Variants in TUT4 observed in about 807,000 individuals in gnomAD.
TUT4 encodes terminal uridylyl transferase 4.
Under a neutral mutation model 192.2 loss-of-function variants are expected in TUT4, and 36 were observed. That is an observed-to-expected ratio of 0.19 (90% CI 0.14 to 0.25). The LOEUF is 0.25. TUT4 is among the 10% of genes least tolerant of loss of function. The pLI is 1.00. For missense variants in TUT4, 1,493 were observed against 1,957.2 expected, an observed-to-expected ratio of 0.76 and a Z score of 4.47; for synonymous variants, 618 against 666.0, an observed-to-expected ratio of 0.93 and a Z score of 1.11.
chr1:52,542,642 A>AAGCT (rs1302771458), intron 1 of TUT4, among the ~76,000 whole-genome samples: 1 of 152,212 alleles, frequency 6.6e-6, no homozygotes, highest in African/African-American at 2.4e-5. Context: ...AATATAATAA[A>AAGCT]AGCTATCTAA....
At chr1:52,485,307 T>C (rs1669508954) in intron 9 of TUT4, among the ~76,000 whole-genome samples, 1 of 152,234 alleles carries the variant, frequency 6.6e-6, no homozygotes, top group Non-Finnish European at 1.5e-5. Flanking sequence ...CATTCACTTT[T>C]GTATATTTAT....
intron 6 of TUT4, 137 bp from the exon 7 acceptor site, chr1:52,493,799 C>CT: frequency 1.6e-6 from 1 of 635,902 alleles, no homozygotes; most frequent in Non-Finnish European, 2.7e-6. Context: ...AAAACAGAAT[C>CT]GTGTTTTTTT....
chr1:52,549,033 A>G (rs1688756495), intron 1 of TUT4, among the ~76,000 whole-genome samples: 1 of 152,236 alleles, frequency 6.6e-6, no homozygotes, highest in South Asian at 2.1e-4. Context: ...GTTCTTGGAC[A>G]GTAAGATTTG....
intron 11 of TUT4, among the ~76,000 whole-genome samples, chr1:52,478,113 C>T (rs1348038144): frequency 1.3e-5 from 2 of 152,260 alleles, no homozygotes; most frequent in East Asian, 3.9e-4. Flanking sequence ...CTTGGCTGCA[C>T]ATTAGAATCA....
rs1271454721 is a variant in TUT4, at chr1:52,464,757, G to C, written c.3069+313C>G. Among the ~76,000 whole-genome samples the C allele has an allele frequency of 2.6e-5, 4 of 152,164 alleles. No individual in the cohort carries two copies. In the South Asian group the frequency reaches 6.2e-4, roughly 24 times the overall value. On this transcript the variant is annotated intron_variant, in intron 16 of 29. Transcript: ENST00000257177. ...GATCAATGTTCACTACAAAACTGATGCATCAGCTTCCCATTGGTTCTAGTG... is the reference window on the plus strand; with the variant it reads ...GATCAATGTTCACTACAAAACTGATCCATCAGCTTCCCATTGGTTCTAGTG...
At chr1:52,447,349 T>C (rs975455172) in intron 20 of TUT4, among the ~76,000 whole-genome samples, 10 of 151,522 alleles carry the variant, frequency 6.6e-5, no homozygotes, top group South Asian at 4.2e-4. Flanking sequence ...CTCGGGAGGC[T>C]GAGGCAGGAG....
chr1:52,536,255 T>G (rs559162665), intron 1 of TUT4, among the ~76,000 whole-genome samples: 4 of 152,136 alleles, frequency 2.6e-5, no homozygotes, highest in Non-Finnish European at 5.9e-5. Context: ...GAGAGAAAGA[T>G]GAGTAGGAGC....
chr1:52,443,048 C>A (rs1285528114), intron 24 of TUT4, among the ~76,000 whole-genome samples: 1 of 152,098 alleles, frequency 6.6e-6, no homozygotes, highest in African/African-American at 2.4e-5. Context: ...CTTTGGGAGG[C>A]CGAGGCAGGT....
At chr1:52,424,046 GT>G in intron 29 of TUT4, 44 bp from the exon 30 acceptor site, 1 of 1,566,550 alleles carries the variant, frequency 6.4e-7, no homozygotes, top group Non-Finnish European at 8.7e-7. Flanking sequence ...GCTTGTGCCT[GT>G]TTATCTGACA....
intron 15 of TUT4, 107 bp from the exon 16 acceptor site, chr1:52,465,280 T>C (rs1663783145): frequency 7.2e-6 from 5 of 696,766 alleles, no homozygotes; most frequent in Non-Finnish European, 1.1e-5. Flanking sequence ...ATTTCTATGA[T>C]TTAAATTACC....
At chr1:52,497,883 T>C (rs1306079027) in intron 4 of TUT4, among the ~76,000 whole-genome samples, 3 of 152,164 alleles carry the variant, frequency 2.0e-5, no homozygotes, top group Admixed American at 2.0e-4. Context: ...CCACAATCAT[T>C]CTCTTTTATT....
intron 1 of TUT4, among the ~76,000 whole-genome samples, chr1:52,549,703 CT>C (rs1263683212): frequency 7.2e-5 from 11 of 152,140 alleles, no homozygotes; most frequent in Non-Finnish European, 1.6e-4. Context: ...GCTTTGAAAT[CT>C]AATTCTATGA....
chr1:52,457,329 G>A (rs760411567), intron 20 of TUT4, among the ~76,000 whole-genome samples: 6 of 151,154 alleles, frequency 4.0e-5, no homozygotes, highest in African/African-American at 7.3e-5. Flanking sequence ...TCTGCCTCCC[G>A]GGTTCAAGCA....
chr1:52,509,352 C>A (rs1676479989), intron 4 of TUT4, among the ~76,000 whole-genome samples: 1 of 152,154 alleles, frequency 6.6e-6, no homozygotes. Context: ...GTTGGATGGA[C>A]TAATTGTACC....
At chr1:52,542,295 T>A (rs568294401) in intron 1 of TUT4, among the ~76,000 whole-genome samples, 6 of 152,264 alleles carry the variant, frequency 3.9e-5, no homozygotes, top group African/African-American at 1.2e-4. Flanking sequence ...ATAATGTAAA[T>A]AAATTTAATG....
intron 4 of TUT4, among the ~76,000 whole-genome samples, chr1:52,508,900 C>A (rs781515879): frequency 2.0e-5 from 3 of 152,112 alleles, no homozygotes; most frequent in African/African-American, 7.2e-5. Flanking sequence ...TACAAATTCC[C>A]GAAGCTTATA....
chr1:52,483,135 G>C (rs1668927748), intron 9 of TUT4, among the ~76,000 whole-genome samples: 1 of 152,104 alleles, frequency 6.6e-6, no homozygotes, highest in African/African-American at 2.4e-5. Context: ...AATGGGATGG[G>C]TGAAATGTAG....
intron 20 of TUT4, 115 bp from the exon 21 acceptor site, chr1:52,446,782 A>G: frequency 1.5e-6 from 1 of 678,554 alleles, no homozygotes; most frequent in Non-Finnish European, 2.4e-6. Flanking sequence ...ACTTCTTCCA[A>G]AAAGAACATG....
intron 20 of TUT4, among the ~76,000 whole-genome samples, chr1:52,450,992 G>A (rs112817320): frequency 0.047 from 7,164 of 152,266 alleles, 190 homozygotes; most frequent in South Asian, 0.086. Flanking sequence ...TAGGCTGGGC[G>A]CGGTGGCACA....
Sources: gnomAD v4.1 joint callset for allele counts (sites outside exome capture counted in the v4.1 genomes callset) on GRCh38, gnomAD v4.1.1 for gene constraint, MANE v1.5 for transcripts, NCBI Gene and HGNC (gene_info 2026-07-23, HGNC 2026-07-21) for gene names.